Variants in LRP1B observed in about 807,000 individuals in gnomAD.
LRP1B encodes the protein low-density lipoprotein receptor-related protein 1B.
Under a neutral mutation model 556.6 loss-of-function variants are expected in LRP1B, and 217 were observed. That is an observed-to-expected ratio of 0.39 (90% CI 0.35 to 0.44). The LOEUF is 0.44. Among genes scored for constraint, LRP1B ranks in the 20% least tolerant of loss-of-function variants. The probability of loss-of-function intolerance (pLI) is 1.00; values close to 1 mark genes in which losing one functional copy is unlikely to be tolerated. For synonymous variants in LRP1B, 2,047 were observed against 1,865.8 expected, an observed-to-expected ratio of 1.10 and a Z score of -2.50; for missense variants, 5,053 against 5,620.8, an observed-to-expected ratio of 0.90 and a Z score of 3.23.
In LRP1B at chr2:140,501,869, A is replaced by G. The variant is rs138332954; in HGVS notation, c.8668T>C (p.Ser2890Pro). 7.3e-5 allele frequency: 116 copies of G among 1,592,696 alleles called. No individual in the cohort carries two copies. In the African/African-American group the frequency reaches 1.1e-3, roughly 15 times the overall value. ...LNPKCKSAEQ[S>P]CNSSFFMCKN... ...CACATAAAAAATGAACTGTTGCATG[A>G]CTGTTCTGGAAAAAAAATAAAACAA... Residue 2890 changes from serine to proline, a missense_variant, in exon 55 of 91, where the codon TCA (serine) becomes CCA (proline). This residue lies in a region of LRP1B where 3,619 missense variants were observed against 3,931.9 expected (regional missense o/e 0.92). Transcript: ENST00000389484.
At chr2:140,632,784 C>T (rs898686478) in intron 41 of LRP1B, among the ~76,000 whole-genome samples, 18 of 152,040 alleles carry the variant, frequency 1.2e-4, no homozygotes, top group African/African-American at 2.9e-4. Flanking sequence ...CACATTAGGC[C>T]GGGCATCGTG....
chr2:141,642,854 G>A (rs1689391568), intron 2 of LRP1B, among the ~76,000 whole-genome samples: 1 of 152,032 alleles, frequency 6.6e-6, no homozygotes, highest in African/African-American at 2.4e-5. Flanking sequence ...ATTTTGTAGC[G>A]AGTCTTTTTT....
chr2:141,696,754 T>TTAAGAAAC (rs1238440748), intron 2 of LRP1B, among the ~76,000 whole-genome samples: 2 of 151,936 alleles, frequency 1.3e-5, no homozygotes, highest in Non-Finnish European at 2.9e-5. Flanking sequence ...TGAGGGAAGA[T>TTAAGAAAC]TAAGAAACTA....
intron 2 of LRP1B, among the ~76,000 whole-genome samples, chr2:141,629,198 AT>A (rs1388957193): frequency 6.6e-6 from 1 of 152,160 alleles, no homozygotes; most frequent in Non-Finnish European, 1.5e-5. Flanking sequence ...GCCCAGTGGC[AT>A]TTTTACCATC....
chr2:141,646,722 T>C (rs1240516443), intron 2 of LRP1B, among the ~76,000 whole-genome samples: 1 of 152,176 alleles, frequency 6.6e-6, no homozygotes, highest in Non-Finnish European at 1.5e-5. Flanking sequence ...ATGTAGTTCT[T>C]CTTCAGCTCT....
chr2:140,963,414 C>CGT (rs141850717), intron 18 of LRP1B, among the ~76,000 whole-genome samples: 11 of 150,970 alleles, frequency 7.3e-5, no homozygotes, highest in South Asian at 2.1e-4. Flanking sequence ...CTGATTTTTA[C>CGT]GTGTGTGTGT....
intron 1 of LRP1B, among the ~76,000 whole-genome samples, chr2:142,063,233 GTAAT>G (rs1245368475): frequency 4.0e-5 from 6 of 151,490 alleles, no homozygotes; most frequent in African/African-American, 1.2e-4. Flanking sequence ...CTAATTTAGA[GTAAT>G]TAATCACCAT....
chr2:140,613,987 T>C (rs978341253), intron 41 of LRP1B, among the ~76,000 whole-genome samples: 3 of 152,096 alleles, frequency 2.0e-5, no homozygotes, highest in African/African-American at 4.8e-5. Context: ...TCAGAAAAGA[T>C]AGGACCTCTG....
chr2:140,567,585 C>T (rs1029826716), intron 43 of LRP1B, among the ~76,000 whole-genome samples: 2 of 152,178 alleles, frequency 1.3e-5, no homozygotes, highest in African/African-American at 4.8e-5. Flanking sequence ...ACATCCAATT[C>T]TGGAACAAAG....
At chr2:140,373,944 C>T (rs1257442734) in intron 68 of LRP1B, among the ~76,000 whole-genome samples, 3 of 152,196 alleles carry the variant, frequency 2.0e-5, no homozygotes, top group African/African-American at 7.2e-5. Flanking sequence ...TTTCTCCTCT[C>T]TCCATCTCTT....
At chr2:141,126,611 G>C (rs1701218927) in intron 7 of LRP1B, among the ~76,000 whole-genome samples, 1 of 151,912 alleles carries the variant, frequency 6.6e-6, no homozygotes, top group African/African-American at 2.4e-5. Flanking sequence ...TGATGTTACT[G>C]CATCTGAAGA....
chr2:141,274,552 G>T, intron 3 of LRP1B, among the ~76,000 whole-genome samples: 1 of 152,128 alleles, frequency 6.6e-6, no homozygotes, highest in East Asian at 1.9e-4. Flanking sequence ...GGGGGATATT[G>T]TGGGAAAATG....
chr2:140,308,489 C>G (rs967775694), intron 83 of LRP1B, among the ~76,000 whole-genome samples: 4 of 151,740 alleles, frequency 2.6e-5, no homozygotes, highest in African/African-American at 4.8e-5. Context: ...TTAGTCTGCT[C>G]TCTTTTTAAG....
chr2:141,466,010 T>A (rs140013903), intron 3 of LRP1B, among the ~76,000 whole-genome samples: 2,367 of 152,194 alleles, frequency 0.016, 35 homozygotes, highest in Middle Eastern at 0.058. Flanking sequence ...TGCCTCAGCC[T>A]CCCGAGTAGC....
intron 47 of LRP1B, among the ~76,000 whole-genome samples, chr2:140,529,113 G>A (rs779350083): frequency 6.6e-6 from 1 of 151,992 alleles, no homozygotes; most frequent in African/African-American, 2.4e-5. Context: ...GAAAAAGTAA[G>A]CTTATGAAAC....
intron 2 of LRP1B, among the ~76,000 whole-genome samples, chr2:141,791,631 G>A (rs142176804): frequency 6.6e-6 from 1 of 151,824 alleles, no homozygotes; most frequent in Admixed American, 6.6e-5. Flanking sequence ...TGACATTGAG[G>A]TTGCAACACC....
At chr2:142,091,591 G>A (rs1268575850) in intron 1 of LRP1B, among the ~76,000 whole-genome samples, 2 of 152,042 alleles carry the variant, frequency 1.3e-5, no homozygotes, top group East Asian at 3.9e-4. Flanking sequence ...TAAGAAGATG[G>A]CTAGATTTCT....
At chr2:140,270,580 T>C (rs1172165333) in intron 85 of LRP1B, among the ~76,000 whole-genome samples, 1 of 152,048 alleles carries the variant, frequency 6.6e-6, no homozygotes, top group East Asian at 1.9e-4. Context: ...GTTCATTTAA[T>C]ATAAACATTT....
intron 35 of LRP1B, among the ~76,000 whole-genome samples, chr2:140,762,962 G>A (rs77910354): frequency 0.011 from 1,679 of 152,184 alleles, 28 homozygotes; most frequent in African/African-American, 0.038. Flanking sequence ...TAAGCTAAAA[G>A]AGATCTCCTC....
Sources: allele counts gnomAD v4.1 joint callset (sites outside exome capture counted in the v4.1 genomes callset), GRCh38; gene constraint gnomAD v4.1.1; regional missense constraint gnomAD v4.1.1; transcripts MANE v1.5; gene names NCBI Gene and HGNC (gene_info 2026-07-23, HGNC 2026-07-21).